The following LLGL1 variants were observed in gnomAD, a reference collection of about 807,000 sequenced individuals.
LLGL1 encodes lethal(2) giant larvae protein homolog 1.
In LLGL1, 58 loss-of-function variants were observed where a neutral mutation model predicts 110.6. The ratio of observed to expected loss-of-function variants is 0.52; its 90% CI spans 0.42 to 0.65. The LOEUF (loss-of-function observed/expected upper bound fraction) is 0.65. Among genes scored for constraint, LLGL1 ranks in the 30% least tolerant of loss-of-function variants. The pLI is 0.00. For missense variants in LLGL1, 1,229 were observed against 1,462.1 expected (o/e 0.84, Z 2.60); for synonymous variants, 674 against 607.2 (o/e 1.11, Z -1.62).
Position 18,242,736 on chromosome 17 carries a change from C to T in LLGL1, c.3117-7C>T. ...CCCCACCCCTGAGCACCATCCCCAT[C>T]TCGCAGCTCCTCTGAGGAGTCAGAG... On this transcript the variant is annotated splice_region_variant and splice_polypyrimidine_tract_variant and intron_variant, in intron 21 of 22. Coordinates refer to ENST00000316843, the MANE Select transcript of LLGL1 (RefSeq NM_004140.4). 11 of 1,564,710 alleles carry T rather than the reference C, an allele frequency of 7.0e-6. No individual in the cohort carries two copies. Among genetic ancestry groups the T allele is most frequent in the Non-Finnish European group, 9.5e-6 (11 of 1,153,408 alleles).
In LLGL1 at chr17:18,238,166, C is replaced by T. The variant is rs774670052; in HGVS notation, c.2004C>T (p.Arg668=). 6.2e-7 allele frequency: 1 copy of T among 1,613,266 alleles called. No homozygotes were observed. The highest frequency in any genetic ancestry group is 1.1e-5 in the South Asian group (1 of 91,088). ...KSLRQSFRRI[R]KSRVSGKKRA... Reference sequence around the variant, plus strand: ...TGCGCCAGTCTTTCCGGCGCATTCGCAAGAGTCGTGTCTCTGGCAAGAAGC... The same window carrying T: ...TGCGCCAGTCTTTCCGGCGCATTCGTAAGAGTCGTGTCTCTGGCAAGAAGC... Residue 668 remains arginine (R), a synonymous_variant, in exon 15 of 23, where the codon CGC becomes CGT. Transcript: ENST00000316843.
chr17:18,234,508 C>G lies in LLGL1; in HGVS notation c.850+100C>G, dbSNP rs559409343. 8.9e-6 allele frequency: 14 copies of G among 1,579,364 alleles called. No homozygotes were observed. In the Admixed American group the frequency reaches 1.4e-4, roughly 16 times the overall value. Reference sequence around the variant, plus strand: ...GGAGGGACTTCCCCGAGGGGGTGGTCTGGGGGCAGTGTGTCTCCCGCCGAC... The same window carrying G: ...GGAGGGACTTCCCCGAGGGGGTGGTGTGGGGGCAGTGTGTCTCCCGCCGAC... On this transcript the variant is annotated intron_variant, in intron 7 of 22. Transcript: ENST00000316843.
chr17:18,244,253 T>TTTC lies in LLGL1; in HGVS notation c.*350_*352dup, dbSNP rs1247416870. Reference sequence around the variant, plus strand: ...CAGAGTATTTTTCCTTTTTTTTTTTTTTCTTAAAGACGGAGTCTTGCTCTG... The same window carrying TTTC: ...CAGAGTATTTTTCCTTTTTTTTTTTTTTCTTCTTAAAGACGGAGTCTTGCTCTG... On this transcript the variant is annotated 3_prime_UTR_variant, in exon 23 of 23. Coordinates refer to ENST00000316843, the MANE Select transcript of LLGL1 (RefSeq NM_004140.4). 6.6e-6 allele frequency: 1 copy of TTTC among 151,064 alleles called. No homozygotes were observed. Among genetic ancestry groups the TTTC allele is most frequent in the Non-Finnish European group, 1.5e-5 (1 of 67,722 alleles). The allele number at this position is 151,064 out of a possible 1,614,324, so 9.4% of individuals were successfully genotyped here. A position where few individuals can be genotyped will look rare whatever the true frequency, so the allele number is the denominator to read the frequency against.
chr17:18,243,402 C>T (rs1324303091), intron 22 of LLGL1, among the ~76,000 whole-genome samples: 2 of 152,192 alleles, frequency 1.3e-5, no homozygotes, highest in Non-Finnish European at 2.9e-5. Flanking sequence ...CCACCGCACC[C>T]GGCCAACAAG....
intron 21 of LLGL1, 38 bp downstream of exon 21, chr17:18,242,666 TGTCCCCTAGGCCTCC>T (rs1294655585): frequency 1.6e-5 from 26 of 1,581,142 alleles, no homozygotes; most frequent in Non-Finnish European, 2.1e-5. Context: ...GGGGCTGCCC[TGTCCCCTAGGCCTCC>T]GTCCCCAGGG....
At position 18,225,678 on chromosome 17, in the gene LLGL1, G is replaced by T. The variant is rs927291994; in HGVS notation, c.-5G>T. 1.1e-5 allele frequency: 11 copies of T among 1,016,604 alleles called. No homozygotes were observed. The highest frequency in any genetic ancestry group is 1.7e-5 in the African/African-American group (1 of 57,154). The allele number at this position is 1,016,604 out of a possible 1,614,324, so 63.0% of individuals were successfully genotyped here. On this transcript the variant is annotated 5_prime_UTR_variant, in exon 1 of 23. Coordinates refer to ENST00000316843, the MANE Select transcript of LLGL1 (RefSeq NM_004140.4). ...GCGGGCGAGGCGCCTGCAGCCGGGC[G>T]CAAGATGATGAAGTTTCGGTTCCGG... is the stretch of plus-strand genomic sequence containing the variant.
chr17:18,236,216 G>C (rs2047691188), intron 11 of LLGL1: 1 of 198,720 alleles, frequency 5.0e-6, no homozygotes, highest in Non-Finnish European at 1.0e-5. Flanking sequence ...GCCCCATGCA[G>C]CTCCTCCCCC....
At chr17:18,232,390 GCC>G in intron 2 of LLGL1, 103 bp from the exon 3 acceptor site, 1 of 1,025,582 alleles carries the variant, frequency 9.8e-7, no homozygotes, top group Non-Finnish European at 1.4e-6. Flanking sequence ...TCAGGCCCAT[GCC>G]GGGGCCCACT....
At chr17:18,230,665 C>T (rs1042825161) in intron 2 of LLGL1, among the ~76,000 whole-genome samples, 6 of 152,184 alleles carry the variant, frequency 3.9e-5, no homozygotes, top group Non-Finnish European at 7.4e-5. Context: ...TTGGGGAAGC[C>T]GAGGTGCCAG....
At position 18,236,628 on chromosome 17, in the gene LLGL1, G is replaced by C. The variant is rs2047700632; in HGVS notation, c.1374G>C (p.Arg458Ser). ...GCAGCCATGAGGACGGCACCGTGAG[G>C]TTCTGGGATGCCTCGGGTGTGGCGC... Reference protein sequence around the residue: ...LLTGHEDGTVRFWDASGVALR... With the variant: ...LLTGHEDGTVSFWDASGVALR... The change falls in exon 12 of 23, where the codon AGG becomes AGC. Residue 458 changes from arginine to serine, a missense_variant. Physicochemically the swap from Arg to Ser is moderately radical, Grantham distance 110. Coordinates refer to ENST00000316843, the MANE Select transcript of LLGL1 (RefSeq NM_004140.4). 1.2e-6 allele frequency: 2 copies of C among 1,612,590 alleles called. No homozygotes were observed. The highest frequency in any genetic ancestry group is 3.3e-5 in the Admixed American group (2 of 59,988).
rs2047842691 is a variant in LLGL1, at chr17:18,241,889, T to C, written c.2772T>C (p.Phe924=). ...CTCATTCTTCTGCCCACCCAGGCTT[T>C]TACCTGATATCCCCATCAGAATTTG... The part of the protein sequence containing the change: ...SCVFTRHGQG[F]YLISPSEFER... The change falls in exon 19 of 23, where the codon TTT becomes TTC. Residue 924 remains phenylalanine (F), a synonymous_variant. Coordinates refer to ENST00000316843, the MANE Select transcript of LLGL1 (RefSeq NM_004140.4). 6.2e-7 allele frequency: 1 copy of C among 1,613,268 alleles called. No individual in the cohort carries two copies. The highest frequency in any genetic ancestry group is 1.7e-4 in the Middle Eastern group (1 of 6,060).
intron 14 of LLGL1, 96 bp from the exon 15 acceptor site, chr17:18,237,971 G>A: frequency 1.4e-6 from 2 of 1,454,066 alleles, no homozygotes; most frequent in Non-Finnish European, 1.9e-6. Context: ...GAGGGGCTGT[G>A]ACTCCCTGAC....
At chr17:18,233,121 G>A (rs1015187421) in intron 4 of LLGL1, among the ~76,000 whole-genome samples, 1 of 152,230 alleles carries the variant, frequency 6.6e-6, no homozygotes, top group Admixed American at 6.5e-5. Context: ...AATGATGGGG[G>A]TGTCTAGGGG....
rs2047733183 is a variant in LLGL1, at chr17:18,237,954, T to TAGTC, written c.1905-113_1905-112insAGTC. ...CCACCTGCAGCTGGGTCCATAGGAC[T>TAGTC]GCGCCAGAGGGGCTGTGACTCCCTG... On this transcript the variant is annotated intron_variant, in intron 14 of 22. Transcript: ENST00000316843. 3.6e-6 allele frequency: 5 copies of TAGTC among 1,373,330 alleles called. No individual in the cohort carries two copies. In the Admixed American group the frequency reaches 1.0e-4, roughly 28 times the overall value. The allele number at this position is 1,373,330 out of a possible 1,614,324, so 85.1% of individuals were successfully genotyped here.
chr17:18,241,271 T>C, intron 17 of LLGL1, 180 bp from the exon 18 acceptor site: 1 of 713,106 alleles, frequency 1.4e-6, no homozygotes, highest in Admixed American at 2.9e-5. Context: ...CTGGGAGGTT[T>C]CTGGAGTACA....
In LLGL1 at chr17:18,232,818, G is replaced by A. The variant is rs1395218489; in HGVS notation, c.392+16G>A. The A allele has an allele frequency of 1.2e-6, 2 of 1,613,594 alleles. No individual in the cohort carries two copies. Among genetic ancestry groups the A allele is most frequent in the Middle Eastern group, 1.7e-4 (1 of 6,032 alleles). ...ATGGTGCCAGGTACTGGAGAACTTG[G>A]CTGGGGCCAGCCACCGGGCAGGGAG... On this transcript the variant is annotated intron_variant, in intron 4 of 22. Transcript: ENST00000316843.
Position 18,237,988 on chromosome 17 carries a change from G to A in LLGL1, c.1905-79G>A, listed in dbSNP as rs908716393. ...GGGGCTGTGACTCCCTGACCTGGGT[G>A]CCTCCACAGGCCAGCAGGAGTGTGG... On this transcript the variant is annotated intron_variant, in intron 14 of 22. Transcript: ENST00000316843. 30 of 1,516,234 alleles carry A rather than the reference G, an allele frequency of 2.0e-5. No homozygotes were observed. The African/African-American group carries it at 3.8e-4, about 19-fold the overall frequency. 93.9% of individuals were successfully genotyped at this position (1,516,234 alleles called of 1,614,324 possible).
At position 18,234,034 on chromosome 17, in the gene LLGL1, TG is replaced by T. The variant is rs2047631259; in HGVS notation, c.576del (p.Lys193ArgfsTer86). Reference protein sequence around the residue: ...LRSVPDDYRCGKALGPVESLQ... With the variant: ...LRSVPDDYRCXKALGPVESLQ... The stretch of plus-strand genomic sequence containing the variant: ...ACAGCGTGCCAGACGACTACCGCTG[TG>T]GGAAGGCACTGGGCCCCGTGGAGTC... On this transcript the variant is annotated frameshift_variant, in exon 6 of 23. Coordinates refer to ENST00000316843, the MANE Select transcript of LLGL1 (RefSeq NM_004140.4). LOFTEE classifies it high-confidence loss of function. 6.3e-7 allele frequency: 1 copy of T among 1,595,088 alleles called. No homozygotes were observed. The highest frequency in any genetic ancestry group is 8.6e-7 in the Non-Finnish European group (1 of 1,167,234).
Position 18,225,662 on chromosome 17 carries a change from G to T in LLGL1, c.-21G>T. The T allele has an allele frequency of 1.0e-6, 1 of 986,200 alleles. No homozygotes were observed. Among genetic ancestry groups the T allele is most frequent in the Non-Finnish European group, 1.2e-6 (1 of 829,024 alleles). The allele number at this position is 986,200 out of a possible 1,614,324, so 61.1% of individuals were successfully genotyped here. Reference sequence around the variant, plus strand: ...CCTGCGGGCGGCGGCGGCGGGCGAGGCGCCTGCAGCCGGGCGCAAGATGAT... The same window carrying T: ...CCTGCGGGCGGCGGCGGCGGGCGAGTCGCCTGCAGCCGGGCGCAAGATGAT... On this transcript the variant is annotated 5_prime_UTR_variant, in exon 1 of 23. Transcript: ENST00000316843.
Sources: gnomAD v4.1 joint callset for allele counts (sites outside exome capture counted in the v4.1 genomes callset) on GRCh38, gnomAD v4.1.1 for gene constraint, MANE v1.5 for transcripts, NCBI Gene and HGNC (gene_info 2026-07-23, HGNC 2026-07-21) for gene names.